Variants in MAK observed in about 807,000 individuals in gnomAD.
MAK encodes the protein serine/threonine-protein kinase MAK.
Under a neutral mutation model 82.6 loss-of-function variants are expected in MAK, and 65 were observed. That is an observed-to-expected ratio of 0.79 (90% CI 0.64 to 0.97). The LOEUF (loss-of-function observed/expected upper bound fraction) is 0.97, where lower values mean the gene tolerates loss of function less well. MAK is among the 50% of genes least tolerant of loss of function. MAK has a pLI of 0.00. For missense variants in MAK, 703 were observed against 780.2 expected (o/e 0.90, Z 1.18); for synonymous variants, 250 against 274.2 (o/e 0.91, Z 0.87).
chr6:10,769,530 G>A (rs1772795525), intron 14 of MAK, among the ~76,000 whole-genome samples: 1 of 152,138 alleles, frequency 6.6e-6, no homozygotes, highest in Admixed American at 6.5e-5. Context: ...CAAAAGGCAG[G>A]GTGTGAAAGT....
intron 2 of MAK, among the ~76,000 whole-genome samples, chr6:10,829,845 T>C (rs1177888975): frequency 6.7e-6 from 1 of 150,072 alleles, no homozygotes; most frequent in Non-Finnish European, 1.5e-5. Flanking sequence ...TATATATTCT[T>C]TTTTTTTTTG....
At chr6:10,812,441 A>G (rs2127569530) in intron 5 of MAK, among the ~76,000 whole-genome samples, 1 of 152,318 alleles carries the variant, frequency 6.6e-6, no homozygotes, top group Non-Finnish European at 1.5e-5. Context: ...TGAAGTACAT[A>G]ATTCATAGAA....
At chr6:10,808,636 T>C (rs1420980742) in intron 6 of MAK, among the ~76,000 whole-genome samples, 174 bp downstream of exon 6, 1 of 152,238 alleles carries the variant, frequency 6.6e-6, no homozygotes, top group East Asian at 1.9e-4. Context: ...TTTCCTTTTT[T>C]TTTCAGTGAT....
At chr6:10,831,140 T>C (rs1778783519) in intron 1 of MAK, among the ~76,000 whole-genome samples, 1 of 152,210 alleles carries the variant, frequency 6.6e-6, no homozygotes, top group African/African-American at 2.4e-5. Flanking sequence ...CCTTTTTTAC[T>C]AAATATAATC....
chr6:10,822,763 C>G (rs1316523297), intron 2 of MAK, among the ~76,000 whole-genome samples: 2 of 152,174 alleles, frequency 1.3e-5, no homozygotes, highest in African/African-American at 4.8e-5. Context: ...GTGTTCCCAT[C>G]TGACACAGGA....
At chr6:10,824,063 C>T (rs2127582921) in intron 2 of MAK, among the ~76,000 whole-genome samples, 1 of 152,056 alleles carries the variant, frequency 6.6e-6, no homozygotes, top group South Asian at 2.1e-4. Flanking sequence ...TAAAGTTTAT[C>T]CCTCTATATC....
At chr6:10,777,545 T>A (rs1364448982) in intron 11 of MAK, among the ~76,000 whole-genome samples, 1 of 151,308 alleles carries the variant, frequency 6.6e-6, no homozygotes, top group Non-Finnish European at 1.5e-5. Context: ...CCAGTTGGCC[T>A]TGGCAATATT....
Position 10,818,471 on chromosome 6 carries a change from G to A in MAK, c.156+415C>T, listed in dbSNP as rs901661630. ...TCTACTAAAAATACAAAAATTAGCTGGGCATGGTGACACACACCTGTAGTC... is the reference window on the plus strand; with the variant it reads ...TCTACTAAAAATACAAAAATTAGCTAGGCATGGTGACACACACCTGTAGTC... On this transcript the variant is annotated intron_variant, in intron 3 of 14. Transcript: ENST00000354489. Among the ~76,000 whole-genome samples, 61 of 152,014 alleles carry A rather than the reference G, an allele frequency of 4.0e-4. 2 individuals are homozygous for A. Among genetic ancestry groups the A allele is most frequent in the Admixed American group, 2.6e-3 (39 of 15,244 alleles).
chr6:10,789,976 G>A (rs920440809), intron 10 of MAK, among the ~76,000 whole-genome samples: 6 of 152,118 alleles, frequency 3.9e-5, no homozygotes, highest in Admixed American at 1.3e-4. Flanking sequence ...TTATTGCACC[G>A]TACTGCAGGT....
At chr6:10,831,765 TAATA>T (rs1488908411) in intron 1 of MAK, among the ~76,000 whole-genome samples, 1 of 152,026 alleles carries the variant, frequency 6.6e-6, no homozygotes. Context: ...AAAAATTTTT[TAATA>T]AATAAAAAGG....
chr6:10,780,239 A>G (rs931791533), intron 11 of MAK: 6 of 982,124 alleles, frequency 6.1e-6, no homozygotes, highest in Non-Finnish European at 7.3e-6. Flanking sequence ...TCTGATCCCA[A>G]GTAATTTGCA....
chr6:10,773,787 G>T (rs995071685), intron 12 of MAK, among the ~76,000 whole-genome samples: 1 of 151,420 alleles, frequency 6.6e-6, no homozygotes, highest in Non-Finnish European at 1.5e-5. Flanking sequence ...CACTTCCTGG[G>T]TTCAAGCGAT....
At chr6:10,791,270 T>G (rs538692654) in intron 10 of MAK, among the ~76,000 whole-genome samples, 2 of 152,258 alleles carry the variant, frequency 1.3e-5, no homozygotes, top group African/African-American at 2.4e-5. Flanking sequence ...ATTTTTTTCT[T>G]TTTTTCTTTT....
chr6:10,782,202 T>TCACTCACACACA (rs1774046651), intron 11 of MAK, among the ~76,000 whole-genome samples: 1 of 146,054 alleles, frequency 6.8e-6, no homozygotes, highest in African/African-American at 2.5e-5. Flanking sequence ...TGAAACTCTG[T>TCACTCACACACA]CACACACACA....
chr6:10,773,863 T>TTG (rs912860014), intron 12 of MAK, among the ~76,000 whole-genome samples: 9 of 151,830 alleles, frequency 5.9e-5, no homozygotes, highest in Admixed American at 4.6e-4. Flanking sequence ...GGATTTTTTT[T>TTG]TGTGTGTGTG....
At chr6:10,779,945 C>G (rs1377421257) in intron 11 of MAK, among the ~76,000 whole-genome samples, 3 of 152,136 alleles carry the variant, frequency 2.0e-5, no homozygotes, top group Non-Finnish European at 4.4e-5. Context: ...CTTTGGCCTC[C>G]CCAAAGTGCT....
intron 5 of MAK, among the ~76,000 whole-genome samples, chr6:10,812,241 G>A (rs1184408312): frequency 6.6e-6 from 1 of 152,030 alleles, no homozygotes; most frequent in Non-Finnish European, 1.5e-5. Flanking sequence ...TACAGGATGA[G>A]ACATGAAGGG....
At chr6:10,771,758 A>T (rs912463720) in intron 13 of MAK, among the ~76,000 whole-genome samples, 5 of 152,362 alleles carry the variant, frequency 3.3e-5, no homozygotes, top group African/African-American at 1.2e-4. Flanking sequence ...ACATGCTCTC[A>T]GTCTATACAT....
chr6:10,773,051 T>C lies in MAK; in HGVS notation c.1655A>G (p.Lys552Arg). The change falls in exon 13 of 15, where the codon AAA becomes AGA. Residue 552 changes from lysine to arginine, a missense_variant. Coordinates refer to ENST00000354489, the MANE Select transcript of MAK (RefSeq NM_001242957.3). ...KLSCNETFPE[K>R]LEDPQGNLGS... ...GAAATTACCTTGTGGGTCCTCTAATTTTTCAGGAAAAGTTTCATTGCATGA... is the reference window on the plus strand; with the variant it reads ...GAAATTACCTTGTGGGTCCTCTAATCTTTCAGGAAAAGTTTCATTGCATGA... 1 of 1,532,234 alleles carries C rather than the reference T, an allele frequency of 6.5e-7. No individual in the cohort carries two copies. Among genetic ancestry groups the C allele is most frequent in the South Asian group, 1.2e-5 (1 of 83,854 alleles). 94.9% of individuals were successfully genotyped at this position (1,532,234 alleles called of 1,614,324 possible).
Sources: gnomAD v4.1 joint callset for allele counts (sites outside exome capture counted in the v4.1 genomes callset) on GRCh38, gnomAD v4.1.1 for gene constraint, MANE v1.5 for transcripts, NCBI Gene and HGNC (gene_info 2026-07-23, HGNC 2026-07-21) for gene names.